The following PTPRG variants were observed in gnomAD, a reference collection of about 807,000 sequenced individuals.
PTPRG encodes protein tyrosine phosphatase receptor type G.
PTPRG carries 102 observed loss-of-function variants against 165.3 expected under a neutral mutation model. The observed-to-expected ratio is 0.62, with a 90% CI of 0.53 to 0.73. The LOEUF is 0.73. Ranked by LOEUF, PTPRG falls within the 30% of genes least tolerant of loss-of-function variation. PTPRG has a pLI of 0.00. For missense variants in PTPRG, 1,866 were observed against 1,861.4 expected (o/e 1.00, Z -0.05); for synonymous variants, 675 against 669.5 (o/e 1.01, Z -0.13).
chr3:62,263,939 A>C (rs1701777251), intron 17 of PTPRG: 1 of 152,190 alleles, frequency 6.6e-6, no homozygotes, highest in African/African-American at 2.4e-5. Context: ...CGAGGTCAGG[A>C]GATCGAGACC....
Position 61,833,067 on chromosome 3 carries a change from T to TTGTGTGTGTGTGTGTGTG in PTPRG, c.190+84097_190+84114dup, listed in dbSNP as rs113069211. ...CTTTTTATGTCTGAGTAGTATTCCA[T>TTGTGTGTGTGTGTGTGTG]TGTGTGTGTGTGTGTGTGTGTGTGT... On this transcript the variant is annotated intron_variant, in intron 2 of 29. Transcript: ENST00000474889. Among the ~76,000 whole-genome samples the TTGTGTGTGTGTGTGTGTG allele has an allele frequency of 9.5e-3, 1,390 of 146,864 alleles. 28 individuals carry two copies. The highest frequency in any genetic ancestry group is 0.03 in the African/African-American group (1,176 of 38,874).
intron 2 of PTPRG, among the ~76,000 whole-genome samples, chr3:61,934,206 T>C (rs2039431693): frequency 6.6e-6 from 1 of 152,188 alleles, no homozygotes; most frequent in Non-Finnish European, 1.5e-5. Flanking sequence ...TATATAGAGA[T>C]GTGTATATAT....
intron 2 of PTPRG, among the ~76,000 whole-genome samples, chr3:61,766,163 G>A (rs909088043): frequency 1.3e-5 from 2 of 152,148 alleles, no homozygotes; most frequent in African/African-American, 4.8e-5. Flanking sequence ...AAATTGGAAT[G>A]ATAATATCAT....
rs375104046 is a variant in PTPRG, at chr3:62,195,198, G to T, written c.1327+28G>T. 3.1e-6 allele frequency: 5 copies of T among 1,597,434 alleles called. No homozygotes were observed. The South Asian group carries it at 4.4e-5, about 14-fold the overall frequency. On this transcript the variant is annotated intron_variant, in intron 10 of 29. Transcript: ENST00000474889. This position sits in a 1 kb window ranked among gnomAD's most constrained non-coding sequence, Gnocchi z 4.4. ...GAGGCTGGCTTCCCCTCCTGTGGCC[G>T]GGGTGCCCCTGAGACTCCCTCCCAA...
chr3:61,962,749 C>T (rs1280409198), intron 2 of PTPRG, among the ~76,000 whole-genome samples: 26 of 152,128 alleles, frequency 1.7e-4, no homozygotes, highest in Admixed American at 1.7e-3. Context: ...TAGTATGTGT[C>T]AGGCACTGTT....
intron 2 of PTPRG, among the ~76,000 whole-genome samples, chr3:61,866,602 TTTTTTTTTTTTTTTTTG>T (rs2037417312): frequency 2.0e-5 from 2 of 99,340 alleles, no homozygotes; most frequent in African/African-American, 1.1e-4. Flanking sequence ...TTTTTTTTTT[TTTTTTTTTTTTTTTTTG>T]AGACGGAGTC....
chr3:61,999,795 C>T (rs2107714941), intron 3 of PTPRG, among the ~76,000 whole-genome samples: 1 of 152,190 alleles, frequency 6.6e-6, no homozygotes, highest in East Asian at 1.9e-4. Context: ...ATCAATCTTG[C>T]TCATGTTATT....
intron 1 of PTPRG, among the ~76,000 whole-genome samples, chr3:61,746,058 T>C (rs1043667550): frequency 6.6e-6 from 1 of 150,558 alleles, no homozygotes; most frequent in Non-Finnish European, 1.5e-5. Flanking sequence ...TTCTTTTTTT[T>C]TTTTTTTTGA....
chr3:61,621,373 G>T (rs1309129366), intron 1 of PTPRG, among the ~76,000 whole-genome samples: 2 of 152,096 alleles, frequency 1.3e-5, no homozygotes, highest in East Asian at 3.9e-4. Context: ...TGATTACGTG[G>T]TATGTGCTAT....
intron 5 of PTPRG, among the ~76,000 whole-genome samples, chr3:62,120,178 A>C (rs1010526065): frequency 1.2e-4 from 18 of 152,148 alleles, no homozygotes; most frequent in Non-Finnish European, 2.6e-4. Flanking sequence ...AGGCAGAGAA[A>C]GAATTGGAGG....
In PTPRG at chr3:62,148,101, G is replaced by A. The variant is rs369135617; in HGVS notation, c.683-8966G>A. ...GTGGAGGTTGCAGTGAGCCGAGATC[G>A]TGCCACTGCACTCCAGCCTGGGTGA... is the stretch of plus-strand genomic sequence containing the variant. On this transcript the variant is annotated intron_variant, in intron 6 of 29. Coordinates refer to ENST00000474889, the MANE Select transcript of PTPRG (RefSeq NM_002841.4). Among the ~76,000 whole-genome samples, 91 of 152,238 alleles carry A rather than the reference G, an allele frequency of 6.0e-4. 1 individual carries two copies. Among genetic ancestry groups the A allele is most frequent in the African/African-American group, 2.1e-3 (88 of 41,548 alleles).
At chr3:62,019,285 G>T (rs924272146) in intron 4 of PTPRG, among the ~76,000 whole-genome samples, 2 of 152,138 alleles carry the variant, frequency 1.3e-5, no homozygotes, top group East Asian at 3.9e-4. Context: ...ACTTTGAGAG[G>T]CCAAGGTGGG....
chr3:61,685,068 G>A (rs1171077740), intron 1 of PTPRG, among the ~76,000 whole-genome samples: 1 of 151,866 alleles, frequency 6.6e-6, no homozygotes, highest in East Asian at 1.9e-4. Context: ...CCGCTCCTCC[G>A]CCTCTCTCAT....
chr3:61,894,508 G>T (rs573939377), intron 2 of PTPRG, among the ~76,000 whole-genome samples: 1 of 152,102 alleles, frequency 6.6e-6, no homozygotes, highest in East Asian at 1.9e-4. Context: ...TGGGATCCAT[G>T]CTATGGTTTT....
chr3:61,735,263 C>T (rs1305306795), intron 1 of PTPRG, among the ~76,000 whole-genome samples: 3 of 152,028 alleles, frequency 2.0e-5, no homozygotes, highest in African/African-American at 7.2e-5. Flanking sequence ...ATTGTAATAG[C>T]CCTTTTAAAT....
intron 2 of PTPRG, among the ~76,000 whole-genome samples, chr3:61,952,561 TCCCTTTTGAGATTAAAG>T (rs2039926201): frequency 1.3e-5 from 2 of 152,176 alleles, no homozygotes; most frequent in Admixed American, 1.3e-4. Context: ...GGCTGAAATC[TCCCTTTTGAGATTAAAG>T]CCCTTATCAC....
intron 1 of PTPRG, among the ~76,000 whole-genome samples, chr3:61,659,058 TGCC>T (rs1702590082): frequency 1.3e-5 from 2 of 151,968 alleles, no homozygotes; most frequent in African/African-American, 4.8e-5. Context: ...CCCCTGCCCC[TGCC>T]CCTGTTCCCC....
chr3:62,043,992 T>C (rs1241617426), intron 4 of PTPRG, among the ~76,000 whole-genome samples: 9 of 152,200 alleles, frequency 5.9e-5, no homozygotes, highest in Admixed American at 5.9e-4. Flanking sequence ...ATTTTCTCTG[T>C]AGGGTATTTG....
At chr3:61,833,139 C>T (rs1313684440) in intron 2 of PTPRG, among the ~76,000 whole-genome samples, 2 of 151,094 alleles carry the variant, frequency 1.3e-5, no homozygotes, top group East Asian at 1.9e-4. Flanking sequence ...AGCATTACCT[C>T]GTTCTCCTTC....
Sources: allele counts gnomAD v4.1 joint callset (sites outside exome capture counted in the v4.1 genomes callset), GRCh38; gene constraint gnomAD v4.1.1; non-coding constraint Gnocchi (gnomAD v3.1); transcripts MANE v1.5; gene names NCBI Gene and HGNC (gene_info 2026-07-23, HGNC 2026-07-21).